Variants in TSPAN15 observed in about 807,000 individuals in gnomAD.
TSPAN15 encodes tetraspanin-15.
Under a neutral mutation model 34.5 loss-of-function variants are expected in TSPAN15, and 20 were observed. The ratio of observed to expected loss-of-function variants is 0.58; its 90% confidence interval spans 0.41 to 0.84. TSPAN15 has a LOEUF of 0.84. Among genes scored for constraint, TSPAN15 ranks in the 40% least tolerant of loss-of-function variants. The pLI is 0.00. For synonymous variants in TSPAN15, 155 were observed against 153.9 expected (o/e 1.01, Z -0.05); for missense variants, 313 against 386.1 (o/e 0.81, Z 1.59).
At chr10:69,454,382 G>T (rs1394285453) in intron 1 of TSPAN15, among the ~76,000 whole-genome samples, 1 of 152,154 alleles carries the variant, frequency 6.6e-6, no homozygotes, top group Non-Finnish European at 1.5e-5. Flanking sequence ...GCCAGGCGTG[G>T]TGGTGTGTGC....
At chr10:69,519,558 T>C in the TSPAN15 span, among the ~76,000 whole-genome samples, 1 of 152,214 alleles carries the variant, frequency 6.6e-6, no homozygotes, top group African/African-American at 2.4e-5. Context: ...TATTTGACTT[T>C]GTACAGCTTT....
chr10:69,504,654 G>T lies in TSPAN15; in HGVS notation c.618+169G>T, dbSNP rs182363324. 2.0e-3 allele frequency among the ~76,000 whole-genome samples: 298 copies of T among 152,292 alleles called. 1 individual carries two copies. Among genetic ancestry groups the T allele is most frequent in the Admixed American group, 4.9e-3 (75 of 15,306 alleles). On this transcript the variant is annotated intron_variant, in intron 6 of 7. Transcript: ENST00000373290. ...TGGTTTTCCACCCCAGCACAGAAGG[G>T]CTCAGGGAACCAAGAATTCCCCCAG...
intron 1 of TSPAN15, among the ~76,000 whole-genome samples, chr10:69,474,061 C>G (rs1314624682): frequency 6.6e-6 from 1 of 152,096 alleles, no homozygotes. Flanking sequence ...TTCTATATGC[C>G]TGATTCAGCC....
At chr10:69,530,812 CTCTCTCTCTA>C in the TSPAN15 span, among the ~76,000 whole-genome samples, 42 of 66,684 alleles carry the variant, frequency 6.3e-4, no homozygotes, top group Non-Finnish European at 8.5e-4. Context: ...CTCTCTCTCT[CTCTCTCTCTA>C]TATATATATA....
At chr10:69,491,290 G>A (rs1168627938) in intron 3 of TSPAN15, among the ~76,000 whole-genome samples, 1 of 152,246 alleles carries the variant, frequency 6.6e-6, no homozygotes, top group African/African-American at 2.4e-5. Flanking sequence ...TAGAGGGACT[G>A]GGAAAGGCTG....
intron 5 of TSPAN15, among the ~76,000 whole-genome samples, chr10:69,501,164 G>T (rs192172164): frequency 7.2e-5 from 11 of 152,362 alleles, no homozygotes; most frequent in Admixed American, 2.6e-4. Context: ...CACCGTGGAC[G>T]TGGGGGGTTT....
downstream of TSPAN15, among the ~76,000 whole-genome samples, chr10:69,508,071 A>G (rs1315604974): frequency 6.6e-6 from 1 of 152,126 alleles, no homozygotes; most frequent in African/African-American, 2.4e-5. Flanking sequence ...TGCGTGCGTC[A>G]GTCCACTCAA....
chr10:69,513,700 A>C, the TSPAN15 span, among the ~76,000 whole-genome samples: 3 of 152,356 alleles, frequency 2.0e-5, no homozygotes, highest in Admixed American at 2.0e-4. Context: ...GTTACGTTAC[A>C]ATTATGTAAC....
chr10:69,485,260 C>G, intron 3 of TSPAN15, 45 bp downstream of exon 3: 1 of 1,577,774 alleles, frequency 6.3e-7, no homozygotes, highest in Non-Finnish European at 8.7e-7. Context: ...TATGGAGCAC[C>G]CACTGTGGGT....
rs200107830 is a variant in TSPAN15, at chr10:69,506,154, C to T, written c.649C>T (p.Arg217Trp). ...CAGTGTGCAGGATGTCATCTACGTG[C>T]GGGGCTGCACCAACGCCGTGATCAT... is the stretch of plus-strand genomic sequence containing the variant. ...RFSVQDVIYV[R>W]GCTNAVIIWF... The change falls in exon 7 of 8, where the codon CGG becomes TGG. Residue 217 changes from arginine to tryptophan, a missense_variant. Physicochemically the swap from Arg to Trp is moderately radical, Grantham distance 101. Transcript: ENST00000373290. This position sits in a 1 kb window ranked among gnomAD's most constrained non-coding sequence, Gnocchi z 4.7. The T allele has an allele frequency of 1.9e-4, 301 of 1,614,010 alleles. No individual in the cohort carries two copies. The highest frequency in any genetic ancestry group is 2.4e-4 in the Non-Finnish European group (284 of 1,180,008).
chr10:69,462,625 G>A (rs1057192922), intron 1 of TSPAN15, among the ~76,000 whole-genome samples: 10 of 152,176 alleles, frequency 6.6e-5, no homozygotes, highest in African/African-American at 1.9e-4. Flanking sequence ...ATGAGCCACC[G>A]CGCCTGGCCC....
At chr10:69,488,562 T>C (rs1841903718) in intron 3 of TSPAN15, among the ~76,000 whole-genome samples, 1 of 152,156 alleles carries the variant, frequency 6.6e-6, no homozygotes, top group Non-Finnish European at 1.5e-5. Context: ...CTATTTTCCA[T>C]AAGTGTCAGC....
At chr10:69,481,201 G>A (rs937567177) in intron 1 of TSPAN15, among the ~76,000 whole-genome samples, 1 of 152,208 alleles carries the variant, frequency 6.6e-6, no homozygotes, top group African/African-American at 2.4e-5. Flanking sequence ...GTATGTGTAT[G>A]TGTGTGTCCT....
At chr10:69,542,840 T>C in the TSPAN15 span, among the ~76,000 whole-genome samples, 1 of 152,208 alleles carries the variant, frequency 6.6e-6, no homozygotes, top group African/African-American at 2.4e-5. Context: ...GATGGAGACA[T>C]AGCCAAGCCA....
chr10:69,459,871 G>A (rs1448992512), intron 1 of TSPAN15, among the ~76,000 whole-genome samples: 3 of 151,702 alleles, frequency 2.0e-5, no homozygotes, highest in Non-Finnish European at 2.9e-5. Flanking sequence ...GCCAAAGCAC[G>A]GGGCCTACTC....
the TSPAN15 span, among the ~76,000 whole-genome samples, chr10:69,525,227 A>G: frequency 2.1e-5 from 3 of 146,070 alleles, 1 homozygote; most frequent in South Asian, 2.1e-4. Context: ...TAACCTCTGT[A>G]TTTTTAGAGT....
the TSPAN15 span, among the ~76,000 whole-genome samples, chr10:69,515,226 A>G: frequency 6.6e-6 from 1 of 151,844 alleles, no homozygotes; most frequent in African/African-American, 2.4e-5. Flanking sequence ...TGCTTTCCCA[A>G]CCTCTTAGCA....
rs1435128848 is a variant in TSPAN15 at position 69,497,409 on chromosome 10, C to G, written c.454-871C>G. On this transcript the variant is annotated intron_variant, in intron 4 of 7. Transcript: ENST00000373290. ...GTTCCAGGCTTGTTGGCCTCCGCAC[C>G]TGCTGCTGAAATACAAGCTTGTTTC... Among the ~76,000 whole-genome samples the G allele has an allele frequency of 2.6e-5, 4 of 152,304 alleles. No individual in the cohort carries two copies. The East Asian group carries it at 7.7e-4, about 29-fold the overall frequency.
intron 2 of TSPAN15, among the ~76,000 whole-genome samples, chr10:69,484,774 C>T (rs976230554): frequency 3.3e-5 from 5 of 152,152 alleles, no homozygotes; most frequent in African/African-American, 1.2e-4. Flanking sequence ...GACATACTGC[C>T]CCAGCCTGCC....
Sources: allele counts gnomAD v4.1 joint callset (sites outside exome capture counted in the v4.1 genomes callset), GRCh38; gene constraint gnomAD v4.1.1; non-coding constraint Gnocchi (gnomAD v3.1); transcripts MANE v1.5; gene names NCBI Gene and HGNC (gene_info 2026-07-23, HGNC 2026-07-21).